ZNF529: variants seen among roughly 807,000 people sequenced by gnomAD.
ZNF529 encodes the protein zinc finger protein 529.
Under a neutral mutation model 10.1 loss-of-function variants are expected in ZNF529, and 11 were observed. The observed-to-expected ratio is 1.09, with a 90% CI of 0.69 to 1.81. The LOEUF (loss-of-function observed/expected upper bound fraction) is 1.81, where lower values mean the gene tolerates loss of function less well. Ranked by LOEUF, ZNF529 falls within the 40% of genes most tolerant of loss-of-function variation. ZNF529 has a pLI of 0.00. For synonymous variants in ZNF529, 204 were observed against 215.7 expected (o/e 0.95, Z 0.47); for missense variants, 624 against 666.8 (o/e 0.94, Z 0.71).
intron 1 of ZNF529, among the ~76,000 whole-genome samples, chr19:36,597,506 G>C (rs1027316630): frequency 6.6e-6 from 1 of 152,156 alleles, no homozygotes; most frequent in African/African-American, 2.4e-5. Flanking sequence ...ATGTTTAGCA[G>C]TATCTACGAA....
intron 2 of ZNF529, among the ~76,000 whole-genome samples, chr19:36,569,290 CAA>C (rs940720617): frequency 6.6e-6 from 1 of 152,000 alleles, no homozygotes; most frequent in Non-Finnish European, 1.5e-5. Context: ...AGGGTCCAAT[CAA>C]AGGAGCAAAA....
chr19:36,557,219 G>A (rs1308172167), intron 2 of ZNF529, among the ~76,000 whole-genome samples: 3 of 152,192 alleles, frequency 2.0e-5, no homozygotes, highest in African/African-American at 7.2e-5. Context: ...ATCTAACGCT[G>A]TCTGTAAAAG....
intron 2 of ZNF529, among the ~76,000 whole-genome samples, chr19:36,566,211 TA>T (rs2035893139): frequency 6.6e-6 from 1 of 152,234 alleles, no homozygotes; most frequent in Non-Finnish European, 1.5e-5. Flanking sequence ...TGAGTCCATC[TA>T]GCAGTCAGTG....
At chr19:36,568,542 G>T (rs943579552) in intron 2 of ZNF529, among the ~76,000 whole-genome samples, 1 of 151,358 alleles carries the variant, frequency 6.6e-6, no homozygotes, top group Non-Finnish European at 1.5e-5. Flanking sequence ...CATGATCTCG[G>T]CTCACTGCAA....
upstream of ZNF529, among the ~76,000 whole-genome samples, chr19:36,575,834 T>G (rs1370136626): frequency 6.9e-6 from 1 of 144,162 alleles, no homozygotes; most frequent in Non-Finnish European, 1.5e-5. Flanking sequence ...TTCACATGTG[T>G]TTTTTTTTTG....
At chr19:36,562,197 C>T (rs2035726493) in intron 2 of ZNF529, among the ~76,000 whole-genome samples, 1 of 151,968 alleles carries the variant, frequency 6.6e-6, no homozygotes, top group African/African-American at 2.4e-5. Flanking sequence ...GAGATCGCAC[C>T]ATTGCACTGC....
chr19:36,556,062 A>G (rs1481452641), intron 3 of ZNF529, 42 bp downstream of exon 3: 9 of 1,543,604 alleles, frequency 5.8e-6, no homozygotes, highest in Non-Finnish European at 7.0e-6. Context: ...GAAGAATCAG[A>G]AAAAGGAAAT....
intron 1 of ZNF529, among the ~76,000 whole-genome samples, chr19:36,572,668 C>G (rs1465913101): frequency 6.6e-6 from 1 of 152,186 alleles, no homozygotes; most frequent in East Asian, 1.9e-4. Flanking sequence ...ATGAATACTA[C>G]ACCTATGCCC....
rs2035072540 is a variant in ZNF529, at chr19:36,547,364, T to A, written c.1194A>T (p.Ala398=). The A allele has an allele frequency of 2.5e-6, 4 of 1,613,992 alleles. No homozygotes were observed. Among genetic ancestry groups the A allele is most frequent in the Non-Finnish European group, 3.4e-6 (4 of 1,179,962 alleles). Residue 398 remains alanine, a synonymous_variant, in exon 5 of 5, where the codon GCA becomes GCT. Coordinates refer to ENST00000591340, the MANE Select transcript of ZNF529 (RefSeq NM_020951.5). ...HTGKKPYECK[A]CGKVFRNSSS... ...AACTATTTCTAAAGACCTTTCCACATGCTTTGCATTCATAGGGTTTCTTAC... is the reference window on the plus strand; with the variant it reads ...AACTATTTCTAAAGACCTTTCCACAAGCTTTGCATTCATAGGGTTTCTTAC...
chr19:36,571,805 C>T (rs2036125909), intron 2 of ZNF529, among the ~76,000 whole-genome samples: 1 of 151,916 alleles, frequency 6.6e-6, no homozygotes, highest in African/African-American at 2.4e-5. Flanking sequence ...CAATCTACAC[C>T]AATGTCACAC....
intron 2 of ZNF529, among the ~76,000 whole-genome samples, chr19:36,584,959 T>C (rs2036548791): frequency 6.6e-6 from 1 of 152,088 alleles, no homozygotes; most frequent in Non-Finnish European, 1.5e-5. Flanking sequence ...ATTGATCTCA[T>C]AGAAGTCAAT....
intron 2 of ZNF529, among the ~76,000 whole-genome samples, chr19:36,569,801 T>C (rs967056040): frequency 9.2e-5 from 14 of 152,054 alleles, no homozygotes; most frequent in South Asian, 4.2e-4. Flanking sequence ...AAATGAAGAA[T>C]TGGCTCAGAG....
Position 36,552,224 on chromosome 19 carries a change from A to G in ZNF529, c.235+2446T>C, listed in dbSNP as rs7343135. Among the ~76,000 whole-genome samples the G allele has an allele frequency of 1.3e-3, 205 of 152,104 alleles. 1 individual carries two copies. Among genetic ancestry groups the G allele is most frequent in the African/African-American group, 4.8e-3 (197 of 41,472 alleles). The stretch of plus-strand genomic sequence containing the variant: ...GGCGGGCAGATCACGAGGTCAGGAG[A>G]TTGAGACTATCCTGGCTAACACGGT... On this transcript the variant is annotated intron_variant, in intron 4 of 4. Coordinates refer to ENST00000591340, the MANE Select transcript of ZNF529 (RefSeq NM_020951.5).
At chr19:36,581,852 A>T (rs2036470778) in intron 2 of ZNF529, 1 of 152,568 alleles carries the variant, frequency 6.6e-6, no homozygotes, top group Non-Finnish European at 1.5e-5. Context: ...TTTTCTTTAT[A>T]AATTACCCAG....
chr19:36,569,010 A>G (rs900617741), intron 2 of ZNF529, among the ~76,000 whole-genome samples: 4 of 152,350 alleles, frequency 2.6e-5, no homozygotes, highest in Admixed American at 2.6e-4. Context: ...CTAGGGCCTA[A>G]GAAGCAAGGG....
Position 36,548,338 on chromosome 19 carries a change from A to G in ZNF529, c.236-16T>C, listed in dbSNP as rs193253578. The G allele has an allele frequency of 2.4e-5, 36 of 1,499,370 alleles. No individual in the cohort carries two copies. In the African/African-American group the frequency reaches 5.0e-4, roughly 21 times the overall value. The allele number at this position is 1,499,370 out of a possible 1,614,324, so 92.9% of individuals were successfully genotyped here. On this transcript the variant is annotated splice_polypyrimidine_tract_variant and intron_variant, in intron 4 of 4. Transcript: ENST00000591340. ...GACTCCAAATCTGAAAGAAAGGAAA[A>G]AATAATTTTCATGTACTACAAAAAT... is the stretch of plus-strand genomic sequence containing the variant.
chr19:36,572,273 G>C, intron 2 of ZNF529, 60 bp downstream of exon 2: 7 of 1,540,160 alleles, frequency 4.5e-6, no homozygotes, highest in Non-Finnish European at 5.3e-6. Context: ...CTACGGTCCT[G>C]TTGTTAATTG....
chr19:36,548,551 T>C (rs575514347), intron 4 of ZNF529, among the ~76,000 whole-genome samples: 1 of 152,356 alleles, frequency 6.6e-6, no homozygotes, highest in East Asian at 1.9e-4. Context: ...CATCACCTGG[T>C]AAGCTCATTG....
chr19:36,592,617 A>G (rs1259970121), intron 1 of ZNF529, among the ~76,000 whole-genome samples: 1 of 151,848 alleles, frequency 6.6e-6, no homozygotes, highest in Non-Finnish European at 1.5e-5. Flanking sequence ...AGAAAGAAAG[A>G]AAAAAGAAAA....
Sources: allele counts gnomAD v4.1 joint callset (sites outside exome capture counted in the v4.1 genomes callset), GRCh38; gene constraint gnomAD v4.1.1; transcripts MANE v1.5; gene names NCBI Gene and HGNC (gene_info 2026-07-23, HGNC 2026-07-21).